Variants in EXOSC10 observed in about 807,000 individuals in gnomAD.
The protein encoded by EXOSC10 is exosome component 10.
In EXOSC10, 94 loss-of-function variants were observed where a neutral mutation model predicts 126.6. The observed-to-expected ratio is 0.74, with a 90% CI of 0.63 to 0.88. The LOEUF is 0.88. Among genes scored for constraint, EXOSC10 ranks in the 40% least tolerant of loss-of-function variants. The probability of loss-of-function intolerance (pLI) is 0.00; values close to 1 mark genes in which losing one functional copy is unlikely to be tolerated. For missense variants in EXOSC10, 1,041 were observed against 1,100.5 expected, an observed-to-expected ratio of 0.95 and a Z score of 0.77; for synonymous variants, 395 against 400.8, an observed-to-expected ratio of 0.99 and a Z score of 0.17.
chr1:11,087,695 AT>A (rs1199857697), intron 8 of EXOSC10, 104 bp from the exon 9 acceptor site: 3 of 1,502,142 alleles, frequency 2.0e-6, no homozygotes, highest in Admixed American at 4.1e-5. Context: ...TATATGATTA[AT>A]TTTTTACCAA....
rs774999407 is a variant in EXOSC10, at chr1:11,081,089, C to A, written c.1430G>T (p.Cys477Phe). Residue 477 changes from cysteine to phenylalanine, a missense_variant, in exon 11 of 25, where the codon TGC (cysteine) becomes TTC (phenylalanine). Transcript: ENST00000376936. ...ACTGCGGCTGAGGTGTACCTTGAGG[C>A]AGATGTCCCTGCTCCGTTGCCACAC... ...QVVWQRSRDI[C>F]LKKFIKPIFT... 1 of 1,614,122 alleles carries A rather than the reference C, an allele frequency of 6.2e-7. No homozygotes were observed. Among genetic ancestry groups the A allele is most frequent in the East Asian group, 2.2e-5 (1 of 44,888 alleles).
At chr1:11,070,100 G>T (rs1207078702) in intron 21 of EXOSC10, among the ~76,000 whole-genome samples, 1 of 151,886 alleles carries the variant, frequency 6.6e-6, no homozygotes, top group Non-Finnish European at 1.5e-5. Flanking sequence ...AGCTGGGCAT[G>T]GTGGTGCGTG....
In EXOSC10 at chr1:11,091,499, G is replaced by A; in HGVS notation, c.471C>T (p.Asn157=). 1 of 1,613,808 alleles carries A rather than the reference G, an allele frequency of 6.2e-7. No homozygotes were observed. Among genetic ancestry groups the A allele is most frequent in the South Asian group, 1.1e-5 (1 of 91,056 alleles). ...QVPKTVVSSW[N]RKAAEYGKKA... is the part of the protein sequence containing the mutation. ...TAATCTGAAAAGCCCTCACCTTACG[G>A]TTCCAGCTGGACACTACCGTTTTGG... The change falls in exon 4 of 25, where the codon AAC becomes AAT. Residue 157 remains asparagine, a synonymous_variant. Transcript: ENST00000376936.
chr1:11,093,196 G>A (rs187687789), intron 3 of EXOSC10, among the ~76,000 whole-genome samples: 3 of 152,250 alleles, frequency 2.0e-5, no homozygotes, highest in African/African-American at 4.8e-5. Flanking sequence ...CCCAATACTC[G>A]ATTGACTCTT....
At position 11,099,857 on chromosome 1, in the gene EXOSC10, G is replaced by C; in HGVS notation, c.-26C>G. The C allele has an allele frequency of 1.3e-6, 2 of 1,576,478 alleles. No individual in the cohort carries two copies. The highest frequency in any genetic ancestry group is 2.3e-5 in the South Asian group (2 of 87,764). On this transcript the variant is annotated 5_prime_UTR_variant, in exon 1 of 25. Transcript: ENST00000376936. ...TTTTTCAGCCTGCACGGCTCGTCTCGCGAGAGCTTGTCGGCCGAGGAGACG... is the reference window on the plus strand; with the variant it reads ...TTTTTCAGCCTGCACGGCTCGTCTCCCGAGAGCTTGTCGGCCGAGGAGACG...
chr1:11,080,945 G>A (rs1294238282), intron 11 of EXOSC10, 33 bp from the exon 12 acceptor site: 11 of 1,584,564 alleles, frequency 6.9e-6, no homozygotes, highest in Admixed American at 3.6e-5. Flanking sequence ...CAAAATCAAC[G>A]GGAATCAAAA....
At chr1:11,074,571 C>G (rs183499275) in intron 17 of EXOSC10, among the ~76,000 whole-genome samples, 45 of 152,150 alleles carry the variant, frequency 3.0e-4, no homozygotes, top group African/African-American at 5.5e-4. Flanking sequence ...TGCCACCATG[C>G]CCAGCTAATT....
In EXOSC10 at chr1:11,089,447, TA is replaced by T. The variant is rs56995108; in HGVS notation, c.758+1106del. On this transcript the variant is annotated intron_variant, in intron 6 of 24. Transcript: ENST00000376936. The stretch of plus-strand genomic sequence containing the variant: ...CAACATGATGAAACCCTGTCTCTAC[TA>T]AAAAAAAAAAAGATACAAAATTAGC... 2.0e-3 allele frequency among the ~76,000 whole-genome samples: 265 copies of T among 133,512 alleles called. 1 individual carries two copies. The highest frequency in any genetic ancestry group is 2.1e-3 in the Admixed American group (28 of 13,274). 87.6% of individuals were successfully genotyped at this position (133,512 alleles called of 152,430 possible).
At chr1:11,075,496 T>A (rs1346846385) in intron 17 of EXOSC10, among the ~76,000 whole-genome samples, 2 of 152,154 alleles carry the variant, frequency 1.3e-5, no homozygotes, top group African/African-American at 4.8e-5. Flanking sequence ...CACTTCCGTA[T>A]CAAAGCAGCC....
chr1:11,087,110 T>C (rs368746122), intron 9 of EXOSC10, among the ~76,000 whole-genome samples: 2 of 152,218 alleles, frequency 1.3e-5, no homozygotes, highest in East Asian at 1.9e-4. Context: ...CCTGATTCCA[T>C]ACGCTTGAAG....
chr1:11,080,589 C>T, intron 12 of EXOSC10, 40 bp from the exon 13 acceptor site: 1 of 1,600,026 alleles, frequency 6.2e-7, no homozygotes. Flanking sequence ...CACACACACA[C>T]ACACACACAC....
rs1639120006 is a variant in EXOSC10 at position 11,066,767 on chromosome 1, C to T, written c.2628-19G>A. ...GAAGCCTCTGCAGAGAGTACAAAAA[C>T]AACAGTTATTTCTTCCGGGCTGGTT... On this transcript the variant is annotated intron_variant, in intron 24 of 24. Transcript: ENST00000376936. 6.2e-7 allele frequency: 1 copy of T among 1,613,842 alleles called. No individual in the cohort carries two copies. The highest frequency in any genetic ancestry group is 1.3e-5 in the African/African-American group (1 of 74,920).
At chr1:11,085,044 T>C (rs1640415299) in intron 9 of EXOSC10, among the ~76,000 whole-genome samples, 1 of 152,162 alleles carries the variant, frequency 6.6e-6, no homozygotes, top group African/African-American at 2.4e-5. Flanking sequence ...TGTAGTATAG[T>C]TTGAAGTCAG....
chr1:11,079,881 TC>T, intron 13 of EXOSC10, 59 bp from the exon 14 acceptor site: 1 of 1,337,332 alleles, frequency 7.5e-7, no homozygotes, highest in Non-Finnish European at 1.1e-6. Flanking sequence ...CTTAAAGGCT[TC>T]CAGATAAGAA....
chr1:11,069,001 C>T lies in EXOSC10; in HGVS notation c.2489-295G>A, dbSNP rs1639278041. 9 of 440,790 alleles carry T rather than the reference C, an allele frequency of 2.0e-5. No homozygotes were observed. In the South Asian group the frequency reaches 2.6e-4, roughly 13 times the overall value. The allele number at this position is 440,790 out of a possible 1,614,324, so 27.3% of individuals were successfully genotyped here. On this transcript the variant is annotated intron_variant, in intron 22 of 24. Transcript: ENST00000376936. ...AAGGAAATCCATTCTGATCTCTGTG[C>T]TGGGTGATGCCATAAGGAACTCGGG...
chr1:11,072,240 A>AT, intron 19 of EXOSC10, 69 bp from the exon 20 acceptor site: 1 of 1,187,126 alleles, frequency 8.4e-7, no homozygotes, highest in Non-Finnish European at 1.2e-6. Flanking sequence ...CTTACTTTTC[A>AT]TGAGGTGACG....
intron 9 of EXOSC10, among the ~76,000 whole-genome samples, chr1:11,087,184 C>G (rs12136825): frequency 6.6e-6 from 1 of 152,090 alleles, no homozygotes; most frequent in Admixed American, 6.6e-5. Flanking sequence ...GTACAGTCAT[C>G]AAGTCCAAAC....
chr1:11,087,536 C>G lies in EXOSC10; in HGVS notation c.1001G>C (p.Arg334Pro). The G allele has an allele frequency of 1.2e-6, 2 of 1,614,014 alleles. No homozygotes were observed. Among genetic ancestry groups the G allele is most frequent in the Non-Finnish European group, 1.7e-6 (2 of 1,180,006 alleles). Residue 334 changes from arginine (R) to proline (P), a missense_variant, in exon 9 of 25, where the codon CGG becomes CCG. Physicochemically the swap from Arg to Pro is moderately radical, Grantham distance 103. Around this residue, in one of 3 missense-constraint regions of EXOSC10, gnomAD observed 645 missense variants for 656.3 expected, o/e 0.98. Transcript: ENST00000376936. ...GLTCLMQIST[R>P]TEDFIIDTLE... Reference sequence around the variant, plus strand: ...GGTGTCAATGATGAAGTCTTCCGTCCGAGTAGAAATTTGCATCAGGCAGGT... The same window carrying G: ...GGTGTCAATGATGAAGTCTTCCGTCGGAGTAGAAATTTGCATCAGGCAGGT...
At chr1:11,078,313 A>G (rs1389459441) in intron 14 of EXOSC10, among the ~76,000 whole-genome samples, 2 of 149,212 alleles carry the variant, frequency 1.3e-5, no homozygotes, top group African/African-American at 5.0e-5. Flanking sequence ...ACTGGAGTGC[A>G]GTGGCGGGAT....
Sources: gnomAD v4.1 joint callset for allele counts (sites outside exome capture counted in the v4.1 genomes callset) on GRCh38, gnomAD v4.1.1 for gene constraint, gnomAD v4.1.1 regional missense constraint, MANE v1.5 for transcripts, NCBI Gene and HGNC (gene_info 2026-07-23, HGNC 2026-07-21) for gene names.